ADAMTSL3: variants seen among roughly 807,000 people sequenced by gnomAD.
ADAMTSL3 encodes the protein ADAMTS-like protein 3.
ADAMTSL3 carries 128 observed loss-of-function variants against 201.7 expected under a neutral mutation model. That is an observed-to-expected ratio of 0.63 (90% CI 0.55 to 0.73). The LOEUF (loss-of-function observed/expected upper bound fraction) is 0.73, where lower values mean the gene tolerates loss of function less well. Ranked by LOEUF, ADAMTSL3 falls within the 30% of genes least tolerant of loss-of-function variation. ADAMTSL3 has a pLI of 0.00. For synonymous variants in ADAMTSL3, 738 were observed against 748.4 expected (o/e 0.99, Z 0.23); for missense variants, 1,990 against 2,119.6 (o/e 0.94, Z 1.20).
At chr15:83,948,558 C>T (rs969929429) in intron 19 of ADAMTSL3, among the ~76,000 whole-genome samples, 69 of 152,130 alleles carry the variant, frequency 4.5e-4, no homozygotes, top group African/African-American at 1.4e-3. Context: ...CTTGGTTGGG[C>T]TTCCTTAAGA....
At chr15:83,897,434 C>T (rs1161238278) in intron 13 of ADAMTSL3, among the ~76,000 whole-genome samples, 1 of 152,008 alleles carries the variant, frequency 6.6e-6, no homozygotes, top group African/African-American at 2.4e-5. Context: ...AAAAATAATC[C>T]TCTGGCATAA....
chr15:83,997,836 AATT>A (rs1352162251), intron 23 of ADAMTSL3, among the ~76,000 whole-genome samples: 1 of 152,114 alleles, frequency 6.6e-6, no homozygotes, highest in Non-Finnish European at 1.5e-5. Flanking sequence ...TAAAATGAGG[AATT>A]ATGATGGGAT....
At chr15:83,705,339 C>T (rs988019967) in intron 3 of ADAMTSL3, among the ~76,000 whole-genome samples, 9 of 152,098 alleles carry the variant, frequency 5.9e-5, no homozygotes, top group African/African-American at 1.7e-4. Context: ...TCCCATGGTA[C>T]GTGATAGAGT....
chr15:83,843,242 C>T (rs182294441), intron 7 of ADAMTSL3, among the ~76,000 whole-genome samples: 1,177 of 99,014 alleles, frequency 0.012, 20 homozygotes, highest in African/African-American at 0.082. Flanking sequence ...CCTAAAATGT[C>T]CTTTTTTTTA....
Position 83,676,742 on chromosome 15 carries a change from C to G in ADAMTSL3, c.69+20912C>G, listed in dbSNP as rs111370061. 4.6e-5 allele frequency among the ~76,000 whole-genome samples: 7 copies of G among 152,320 alleles called. No individual in the cohort carries two copies. The East Asian group carries it at 1.4e-3, about 29-fold the overall frequency. On this transcript the variant is annotated intron_variant, in intron 2 of 29. Transcript: ENST00000286744. ...ATGGTATTAGGAAGTGGGAGGTGAT[C>G]AACTCATGAGGGCAAGCCCTCCTGA...
At chr15:83,777,080 T>TGG (rs1318326097) in intron 4 of ADAMTSL3, among the ~76,000 whole-genome samples, 1 of 150,994 alleles carries the variant, frequency 6.6e-6, no homozygotes, top group Non-Finnish European at 1.5e-5. Context: ...CTCCTACTTG[T>TGG]GGGGCACACA....
rs562100398 is a variant in ADAMTSL3 at position 83,816,323 on chromosome 15, C to G, written c.364-3488C>G. 2.0e-5 allele frequency among the ~76,000 whole-genome samples: 3 copies of G among 152,176 alleles called. No homozygotes were observed. In the South Asian group the frequency reaches 6.2e-4, roughly 32 times the overall value. Reference sequence around the variant, plus strand: ...TCGCAAATTTCTGGGAAAGATTGACCTGGTGTGGACCAGATGTTTGCCTCT... The same window carrying G: ...TCGCAAATTTCTGGGAAAGATTGACGTGGTGTGGACCAGATGTTTGCCTCT... On this transcript the variant is annotated intron_variant, in intron 5 of 29. Coordinates refer to ENST00000286744, the MANE Select transcript of ADAMTSL3 (RefSeq NM_207517.3).
intron 16 of ADAMTSL3, among the ~76,000 whole-genome samples, chr15:83,922,746 A>G (rs547577860): frequency 6.6e-6 from 1 of 152,332 alleles, no homozygotes; most frequent in Admixed American, 6.5e-5. Context: ...TCACAAATAT[A>G]TATTTTAGAA....
At chr15:83,874,936 T>A (rs1458622052) in intron 9 of ADAMTSL3, among the ~76,000 whole-genome samples, 1 of 145,518 alleles carries the variant, frequency 6.9e-6, no homozygotes, top group Non-Finnish European at 1.5e-5. Flanking sequence ...CTTGTGGACC[T>A]TCTCAGCGAG....
At chr15:83,674,805 T>G (rs1438509226) in intron 2 of ADAMTSL3, among the ~76,000 whole-genome samples, 8 of 126,808 alleles carry the variant, frequency 6.3e-5, no homozygotes, top group Non-Finnish European at 1.3e-4. Context: ...TGCTGGAATT[T>G]TGATAGGAAT....
intron 6 of ADAMTSL3, among the ~76,000 whole-genome samples, chr15:83,831,894 C>T (rs79136446): frequency 2.6e-5 from 4 of 152,068 alleles, no homozygotes; most frequent in Non-Finnish European, 4.4e-5. Flanking sequence ...TCCATGAATG[C>T]GCAAGGATAT....
At chr15:83,961,981 C>G (rs2066979686) in intron 19 of ADAMTSL3, among the ~76,000 whole-genome samples, 1 of 152,178 alleles carries the variant, frequency 6.6e-6, no homozygotes, top group Non-Finnish European at 1.5e-5. Context: ...CCACCCAAAT[C>G]TCATCTTGAA....
At chr15:83,780,115 C>G (rs544429224) in intron 4 of ADAMTSL3, among the ~76,000 whole-genome samples, 1 of 151,942 alleles carries the variant, frequency 6.6e-6, no homozygotes, top group Non-Finnish European at 1.5e-5. Context: ...AAAAACCATT[C>G]GAAAGATCAA....
rs1275004082 is a variant in ADAMTSL3 at position 83,714,868 on chromosome 15, CCCTCCCTCCCTTCCTTCCTTCCTTCCTT to C, written c.189+10364_189+10391del. Among the ~76,000 whole-genome samples the C allele has an allele frequency of 1.7e-3, 19 of 11,486 alleles. 1 individual carries two copies. The highest frequency in any genetic ancestry group is 0.026 in the East Asian group (2 of 76). 7.5% of individuals were successfully genotyped at this position (11,486 alleles called of 152,430 possible). On this transcript the variant is annotated intron_variant, in intron 3 of 29. Coordinates refer to ENST00000286744, the MANE Select transcript of ADAMTSL3 (RefSeq NM_207517.3). The stretch of plus-strand genomic sequence containing the variant: ...TCTCTCTTTCCCTCCCTCCCTCCCT[CCCTCCCTCCCTTCCTTCCTTCCTTCCTT>C]CCTTCCTTCCTTCCTTCCTTCCTTC...
intron 4 of ADAMTSL3, among the ~76,000 whole-genome samples, chr15:83,792,007 A>G (rs1240789612): frequency 1.3e-5 from 2 of 152,230 alleles, no homozygotes; most frequent in East Asian, 3.8e-4. Context: ...AGCCAGAAAA[A>G]TATGGACAAA....
intron 21 of ADAMTSL3, among the ~76,000 whole-genome samples, chr15:83,987,502 C>G (rs539198793): frequency 1.4e-4 from 21 of 152,214 alleles, no homozygotes; most frequent in Non-Finnish European, 2.5e-4. Flanking sequence ...GATATTTCAT[C>G]AAATAAATAT....
chr15:83,697,164 T>A (rs2061697674), intron 2 of ADAMTSL3, among the ~76,000 whole-genome samples: 1 of 152,208 alleles, frequency 6.6e-6, no homozygotes, highest in African/African-American at 2.4e-5. Context: ...CACTGGATTC[T>A]GCTCTTGAAT....
intron 15 of ADAMTSL3, among the ~76,000 whole-genome samples, chr15:83,909,381 G>A (rs925253679): frequency 6.6e-6 from 1 of 152,110 alleles, no homozygotes; most frequent in Non-Finnish European, 1.5e-5. Flanking sequence ...GGAAGACAGT[G>A]TACCTTTTCA....
intron 8 of ADAMTSL3, among the ~76,000 whole-genome samples, chr15:83,867,428 A>T (rs2141817922): frequency 6.6e-6 from 1 of 152,348 alleles, no homozygotes; most frequent in South Asian, 2.1e-4. Flanking sequence ...CCTGCAAAAC[A>T]GATTTTATTG....
Sources: gnomAD v4.1 joint callset for allele counts (sites outside exome capture counted in the v4.1 genomes callset) on GRCh38, gnomAD v4.1.1 for gene constraint, MANE v1.5 for transcripts, NCBI Gene and HGNC (gene_info 2026-07-23, HGNC 2026-07-21) for gene names.